KIFC1: variants seen among roughly 807,000 people sequenced by gnomAD.
KIFC1 encodes the protein kinesin-like protein KIFC1.
Under a neutral mutation model 66.6 loss-of-function variants are expected in KIFC1, and 37 were observed. That is an observed-to-expected ratio of 0.56 (90% CI 0.43 to 0.73). KIFC1 has a LOEUF of 0.73. KIFC1 is among the 30% of genes least tolerant of loss of function. KIFC1 has a pLI of 0.00. For missense variants in KIFC1, 721 were observed against 859.8 expected (o/e 0.84, Z 2.02); for synonymous variants, 325 against 343.5 (o/e 0.95, Z 0.60).
chr6:33,397,663 A>C (rs1228880159), intron 1 of KIFC1, among the ~76,000 whole-genome samples: 1 of 152,124 alleles, frequency 6.6e-6, no homozygotes, highest in African/African-American at 2.4e-5. Context: ...TTCAACACTC[A>C]CATATCTTCC....
At position 33,404,718 on chromosome 6, in the gene KIFC1, C is replaced by A; in HGVS notation, c.757-134C>A. The A allele has an allele frequency of 1.3e-6, 1 of 761,746 alleles. No individual in the cohort carries two copies. The highest frequency in any genetic ancestry group is 2.1e-6 in the Non-Finnish European group (1 of 468,000). The allele number at this position is 761,746 out of a possible 1,614,324, so 47.2% of individuals were successfully genotyped here. A position where few individuals can be genotyped will look rare whatever the true frequency, so the allele number is the denominator to read the frequency against. On this transcript the variant is annotated intron_variant, in intron 6 of 10. Transcript: ENST00000428849. The surrounding 1 kb of genome is among the most constrained non-coding windows in gnomAD (Gnocchi z 4.0). ...GTACCATGATTCCTTATTTTCTCAT[C>A]TTTCTTTGTTTACCAGACTTTGAGG...
rs763294563 is a variant in KIFC1, at chr6:33,409,724, TGTGTGTGTGTG to T, written c.*35_*45del. The T allele has an allele frequency of 7.5e-6, 10 of 1,337,694 alleles. No homozygotes were observed. Among genetic ancestry groups the T allele is most frequent in the Non-Finnish European group, 1.0e-5 (10 of 963,466 alleles). 82.9% of individuals were successfully genotyped at this position (1,337,694 alleles called of 1,614,324 possible). Reference sequence around the variant, plus strand: ...CCAGATCTGTGTGTGTGTGTGTGTGTGTGTGTGTGTGTGTGTGTGTGTGTGTGTGTCCCTAT... The same window carrying T: ...CCAGATCTGTGTGTGTGTGTGTGTGTTGTGTGTGTGTGTGTGTGTCCCTAT... On this transcript the variant is annotated 3_prime_UTR_variant, in exon 11 of 11. Transcript: ENST00000428849.
At chr6:33,391,690 A>G, upstream of KIFC1, 1 of 583,830 alleles carries the variant, frequency 1.7e-6, no homozygotes. Flanking sequence ...CCTGCGAAAC[A>G]GAAAAGACAA....
rs770672857 is a variant in KIFC1 at position 33,400,465 on chromosome 6, T to C, written c.250+2078T>C. On this transcript the variant is annotated intron_variant, in intron 3 of 10. Transcript: ENST00000428849. This position sits in a 1 kb window ranked among gnomAD's most constrained non-coding sequence, Gnocchi z 4.3. Reference sequence around the variant, plus strand: ...TGGAGACAGACCCAGGGGGCCGATCTTGGGGGCCAGGGCAGAAGTGGCACC... The same window carrying C: ...TGGAGACAGACCCAGGGGGCCGATCCTGGGGGCCAGGGCAGAAGTGGCACC... The C allele has an allele frequency of 2.5e-6, 4 of 1,603,016 alleles. No homozygotes were observed. Among genetic ancestry groups the C allele is most frequent in the Non-Finnish European group, 3.4e-6 (4 of 1,174,118 alleles).
At chr6:33,391,584 C>A, upstream of KIFC1, 1 of 272,680 alleles carries the variant, frequency 3.7e-6, no homozygotes, top group Non-Finnish European at 7.1e-6. Flanking sequence ...GGCGGGGAGC[C>A]GAGCGGAAGT....
chr6:33,402,045 G>A (rs899810996), intron 3 of KIFC1, among the ~76,000 whole-genome samples: 1 of 152,090 alleles, frequency 6.6e-6, no homozygotes, highest in Non-Finnish European at 1.5e-5. Context: ...CTGTTTTATA[G>A]TTAACTGTTT....
chr6:33,406,347 T>C lies in KIFC1; in HGVS notation c.1688T>C (p.Leu563Pro). ...RGLQCGAPLS[L>P]VDLAGSERLD... ...CTGCAGTGTGGGGCCCCCCTCAGTC[T>C]TGTGGACCTGGCCGGGAGTGAGCGA... is the stretch of plus-strand genomic sequence containing the variant. The change falls in exon 8 of 11, where the codon CTT becomes CCT. Residue 563 changes from leucine (L) to proline (P), a missense_variant. Leu to Pro is a moderately conservative substitution (Grantham distance 98). Coordinates refer to ENST00000428849, the MANE Select transcript of KIFC1 (RefSeq NM_002263.4). The surrounding 1 kb of genome is among the most constrained non-coding windows in gnomAD (Gnocchi z 4.5). 1.2e-6 allele frequency: 2 copies of C among 1,614,212 alleles called. No individual in the cohort carries two copies. The highest frequency in any genetic ancestry group is 1.7e-6 in the Non-Finnish European group (2 of 1,180,030).
At chr6:33,395,839 C>G (rs1488795031) in intron 1 of KIFC1, among the ~76,000 whole-genome samples, 1 of 152,250 alleles carries the variant, frequency 6.6e-6, no homozygotes, top group African/African-American at 2.4e-5. Context: ...TTAAAATAAG[C>G]TTTCTTTGTG....
At chr6:33,409,607 C>G in intron 10 of KIFC1, 39 bp from the exon 11 acceptor site, 2 of 1,598,178 alleles carry the variant, frequency 1.3e-6, no homozygotes, top group Non-Finnish European at 1.7e-6. Flanking sequence ...GTATTGGTTA[C>G]GCTGCAAACT....
At chr6:33,409,595 T>G (rs1396903848) in intron 10 of KIFC1, 51 bp from the exon 11 acceptor site, 1 of 1,558,904 alleles carries the variant, frequency 6.4e-7, no homozygotes, top group Non-Finnish European at 8.8e-7. Flanking sequence ...GGGAAAAATG[T>G]TGTATTGGTT....
intron 3 of KIFC1, 82 bp downstream of exon 3, chr6:33,398,469 A>AT: frequency 2.6e-6 from 3 of 1,138,970 alleles, no homozygotes; most frequent in Admixed American, 2.0e-5. Context: ...TTTCAATTTT[A>AT]TTTTATTTTT....
rs1413370674 is a variant in KIFC1, at chr6:33,400,583, C to A, written c.250+2196C>A. On this transcript the variant is annotated intron_variant, in intron 3 of 10. Transcript: ENST00000428849. This position sits in a 1 kb window ranked among gnomAD's most constrained non-coding sequence, Gnocchi z 4.3. ...GTGGAGGCAGCTGGTGTCGGATGAA[C>A]CCAGATTCAGGATGACCGAAGAAAG... The A allele has an allele frequency of 5.0e-6, 6 of 1,200,858 alleles. No individual in the cohort carries two copies. Among genetic ancestry groups the A allele is most frequent in the Non-Finnish European group, 6.1e-6 (5 of 824,184 alleles). 74.4% of individuals were successfully genotyped at this position (1,200,858 alleles called of 1,614,324 possible).
chr6:33,402,484 G>A (rs1486106175), intron 3 of KIFC1, among the ~76,000 whole-genome samples: 1 of 152,170 alleles, frequency 6.6e-6, no homozygotes, highest in Non-Finnish European at 1.5e-5. Context: ...CACTTTGGGA[G>A]GCTGAGGCAG....
intron 10 of KIFC1, chr6:33,407,155 T>G: frequency 1.9e-6 from 2 of 1,068,010 alleles, no homozygotes; most frequent in Non-Finnish European, 2.5e-6. Context: ...ATGCCTATAA[T>G]CCGAACACTT....
In KIFC1 at chr6:33,409,802, G is replaced by C; in HGVS notation, c.*112G>C. 1 of 1,155,186 alleles carries C rather than the reference G, an allele frequency of 8.7e-7. No homozygotes were observed. Among genetic ancestry groups the C allele is most frequent in the Non-Finnish European group, 1.3e-6 (1 of 789,674 alleles). 71.6% of individuals were successfully genotyped at this position (1,155,186 alleles called of 1,614,324 possible). ...AGGGGTGGGAGGGTTGCTGGAGGGT[G>C]CTTTATTGGGTGGAGGGCACCATGT... is the stretch of plus-strand genomic sequence containing the variant. On this transcript the variant is annotated 3_prime_UTR_variant, in exon 11 of 11. Transcript: ENST00000428849.
rs1472753573 is a variant in KIFC1 at position 33,400,324 on chromosome 6, G to T, written c.250+1937G>T. 1.9e-6 allele frequency: 3 copies of T among 1,585,030 alleles called. No individual in the cohort carries two copies. The highest frequency in any genetic ancestry group is 2.6e-6 in the Non-Finnish European group (3 of 1,167,176). ...CTTGAGGGCTTTGATGATCGGGGCA[G>T]AGGCAGAAGGCACCACCTCAATCTG... is the stretch of plus-strand genomic sequence containing the variant. On this transcript the variant is annotated intron_variant, in intron 3 of 10. Transcript: ENST00000428849. This position sits in a 1 kb window ranked among gnomAD's most constrained non-coding sequence, Gnocchi z 4.3.
At position 33,409,772 on chromosome 6, in the gene KIFC1, G is replaced by A. The variant is rs1156586945; in HGVS notation, c.*82G>A. On this transcript the variant is annotated 3_prime_UTR_variant, in exon 11 of 11. Transcript: ENST00000428849. Reference sequence around the variant, plus strand: ...GTGTGTGTCCCTATGTCTATGTATCGGGTGAGGGGTGGGAGGGTTGCTGGA... The same window carrying A: ...GTGTGTGTCCCTATGTCTATGTATCAGGTGAGGGGTGGGAGGGTTGCTGGA... 3 of 1,394,144 alleles carry A rather than the reference G, an allele frequency of 2.2e-6. No homozygotes were observed. Among genetic ancestry groups the A allele is most frequent in the Non-Finnish European group, 2.0e-6 (2 of 1,012,746 alleles). The allele number at this position is 1,394,144 out of a possible 1,614,324, so 86.4% of individuals were successfully genotyped here.
Position 33,406,713 on chromosome 6 carries a change from G to A in KIFC1, c.1901+48G>A, listed in dbSNP as rs754375426. On this transcript the variant is annotated intron_variant, in intron 9 of 10. Coordinates refer to ENST00000428849, the MANE Select transcript of KIFC1 (RefSeq NM_002263.4). The surrounding 1 kb of genome is among the most constrained non-coding windows in gnomAD (Gnocchi z 4.5). The stretch of plus-strand genomic sequence containing the variant: ...AGGGGTCAGGTAGGAACTGTGTTGG[G>A]GTGAGGGGTAGAAAGGGGAACAGTG... 3.7e-6 allele frequency: 6 copies of A among 1,611,934 alleles called. No individual in the cohort carries two copies. The Admixed American group carries it at 1.0e-4, about 27-fold the overall frequency.
chr6:33,408,603 G>A (rs553070869), intron 10 of KIFC1, among the ~76,000 whole-genome samples: 1 of 152,280 alleles, frequency 6.6e-6, no homozygotes, highest in African/African-American at 2.4e-5. Context: ...ATTCATACAG[G>A]AAAAACAAGA....
Sources: allele counts gnomAD v4.1 joint callset (sites outside exome capture counted in the v4.1 genomes callset), GRCh38; gene constraint gnomAD v4.1.1; non-coding constraint Gnocchi (gnomAD v3.1); transcripts MANE v1.5; gene names NCBI Gene and HGNC (gene_info 2026-07-23, HGNC 2026-07-21).